Variants in CNTNAP2 observed in about 807,000 individuals in gnomAD.
The protein encoded by CNTNAP2 is contactin-associated protein-like 2.
A neutral mutation model predicts 155.2 loss-of-function variants in CNTNAP2; 98 were observed. That is an observed-to-expected ratio of 0.63 (90% CI 0.54 to 0.75). The LOEUF (loss-of-function observed/expected upper bound fraction) is 0.75. Ranked by LOEUF, CNTNAP2 falls within the 30% of genes least tolerant of loss-of-function variation. The pLI is 0.00. For missense variants in CNTNAP2, 1,727 were observed against 1,688.1 expected (o/e 1.02, Z -0.40); for synonymous variants, 651 against 631.2 (o/e 1.03, Z -0.47).
Position 147,079,184 on chromosome 7 carries a change from C to A in CNTNAP2, c.551-28963C>A, listed in dbSNP as rs192324309. Among the ~76,000 whole-genome samples the A allele has an allele frequency of 2.0e-5, 3 of 152,218 alleles. No individual in the cohort carries two copies. The East Asian group carries it at 5.8e-4, about 29-fold the overall frequency. On this transcript the variant is annotated intron_variant, in intron 4 of 23. Transcript: ENST00000361727. ...TTTTACGCATTTTGACTGATTTAAT[C>A]CTCACTAACTGTGCTACGAGGTAGA...
intron 18 of CNTNAP2, among the ~76,000 whole-genome samples, chr7:148,200,632 C>A (rs962551399): frequency 1.3e-5 from 2 of 152,140 alleles, no homozygotes; most frequent in Admixed American, 1.3e-4. Context: ...GGAATCATAG[C>A]CCTCTATGAT....
At chr7:147,083,415 C>A (rs1341671846) in intron 4 of CNTNAP2, among the ~76,000 whole-genome samples, 2 of 151,520 alleles carry the variant, frequency 1.3e-5, no homozygotes, top group African/African-American at 2.4e-5. Flanking sequence ...ATGTCGCTCA[C>A]CTCTACTAAA....
intron 20 of CNTNAP2, among the ~76,000 whole-genome samples, chr7:148,243,997 T>A (rs1796208283): frequency 6.6e-6 from 1 of 152,178 alleles, no homozygotes; most frequent in African/African-American, 2.4e-5. Context: ...ATATGAAACT[T>A]GTTTAGACAT....
At chr7:146,866,455 CA>C (rs1795207397) in intron 3 of CNTNAP2, among the ~76,000 whole-genome samples, 1 of 152,014 alleles carries the variant, frequency 6.6e-6, no homozygotes, top group African/African-American at 2.4e-5. Flanking sequence ...TAACCACTGA[CA>C]CTAAATATGA....
intron 9 of CNTNAP2, among the ~76,000 whole-genome samples, chr7:147,372,307 A>G (rs1796361210): frequency 6.6e-6 from 1 of 152,272 alleles, no homozygotes; most frequent in Admixed American, 6.5e-5. Context: ...GTGTAAGGCA[A>G]CTATAACTGT....
At chr7:147,535,121 G>A (rs921357850) in intron 11 of CNTNAP2, among the ~76,000 whole-genome samples, 3 of 152,152 alleles carry the variant, frequency 2.0e-5, no homozygotes, top group Non-Finnish European at 4.4e-5. Context: ...GGCCGGGCGC[G>A]GTGGTTCATG....
At chr7:147,940,293 C>G (rs1002453505) in intron 14 of CNTNAP2, 1 of 82,774 alleles carries the variant, frequency 1.2e-5, no homozygotes, top group Non-Finnish European at 2.7e-5. Context: ...ATAGCAAGAC[C>G]CTGTCTCTTT....
chr7:147,773,764 C>T (rs1017276292), intron 13 of CNTNAP2, among the ~76,000 whole-genome samples: 9 of 152,148 alleles, frequency 5.9e-5, no homozygotes, highest in Non-Finnish European at 1.2e-4. Flanking sequence ...CCTGTTAAAA[C>T]ATTAGCCAGA....
intron 3 of CNTNAP2, among the ~76,000 whole-genome samples, chr7:146,902,590 T>C (rs1796025886): frequency 6.6e-6 from 1 of 152,222 alleles, no homozygotes; most frequent in Non-Finnish European, 1.5e-5. Flanking sequence ...GACAACCACC[T>C]GTGGCTTTCA....
At chr7:146,371,365 G>GTTTTTTTTTTTTTTTTTTTTT (rs58066282) in intron 1 of CNTNAP2, among the ~76,000 whole-genome samples, 1 of 98,538 alleles carries the variant, frequency 1.0e-5, no homozygotes, top group Non-Finnish European at 1.9e-5. Context: ...GCCAGTATTA[G>GTTTTTTTTTTTTTTTTTTTTT]TTTTTTTTTT....
At chr7:148,219,583 G>A (rs192096915) in intron 19 of CNTNAP2, among the ~76,000 whole-genome samples, 19 of 152,332 alleles carry the variant, frequency 1.2e-4, no homozygotes, top group Admixed American at 5.2e-4. Flanking sequence ...TGTGGTCTCA[G>A]CTGCTCAAAA....
chr7:147,489,616 G>C (rs559087100), intron 11 of CNTNAP2, among the ~76,000 whole-genome samples: 1 of 152,078 alleles, frequency 6.6e-6, no homozygotes, highest in African/African-American at 2.4e-5. Context: ...AGCACTGTAA[G>C]AATGTATCTT....
intron 22 of CNTNAP2, among the ~76,000 whole-genome samples, chr7:148,407,095 A>T (rs932644007): frequency 2.6e-5 from 4 of 152,258 alleles, no homozygotes; most frequent in Non-Finnish European, 5.9e-5. Context: ...AAATGAATAA[A>T]TTTGAAGAGA....
chr7:148,409,745 C>T (rs1432138194), intron 23 of CNTNAP2, among the ~76,000 whole-genome samples: 1 of 148,404 alleles, frequency 6.7e-6, no homozygotes, highest in African/African-American at 2.5e-5. Flanking sequence ...GGCAAAACCC[C>T]ATATCTACTA....
At chr7:146,695,942 C>T (rs1355684337) in intron 1 of CNTNAP2, among the ~76,000 whole-genome samples, 1 of 152,040 alleles carries the variant, frequency 6.6e-6, no homozygotes, top group Non-Finnish European at 1.5e-5. Context: ...ATTTGATTTG[C>T]TAAAATTGTC....
At chr7:146,175,432 G>A (rs1441836221) in intron 1 of CNTNAP2, among the ~76,000 whole-genome samples, 3 of 152,154 alleles carry the variant, frequency 2.0e-5, no homozygotes, top group Non-Finnish European at 4.4e-5. Flanking sequence ...CATATTGTAA[G>A]AGAATGGTTA....
intron 1 of CNTNAP2, among the ~76,000 whole-genome samples, chr7:146,348,816 TATATA>T (rs534643916): frequency 7.3e-4 from 108 of 148,568 alleles, no homozygotes; most frequent in African/African-American, 2.2e-3. Flanking sequence ...CTCATGATTA[TATATA>T]ATATATGTTA....
At chr7:146,714,013 A>G (rs116035931) in intron 1 of CNTNAP2, among the ~76,000 whole-genome samples, 3,278 of 152,220 alleles carry the variant, frequency 0.022, 81 homozygotes, top group East Asian at 0.12. Context: ...CATAGAGCAA[A>G]TAAAAAAAAA....
intron 1 of CNTNAP2, among the ~76,000 whole-genome samples, chr7:146,444,437 G>A (rs1185786924): frequency 1.3e-5 from 2 of 152,124 alleles, no homozygotes; most frequent in East Asian, 3.9e-4. Context: ...AGATACAGGT[G>A]GAACATGGCC....
Sources: gnomAD v4.1 joint callset for allele counts (sites outside exome capture counted in the v4.1 genomes callset) on GRCh38, gnomAD v4.1.1 for gene constraint, MANE v1.5 for transcripts, NCBI Gene and HGNC (gene_info 2026-07-23, HGNC 2026-07-21) for gene names.